CERS6: variants seen among roughly 807,000 people sequenced by gnomAD.
The protein encoded by CERS6 is LAG1 homolog, ceramide synthase 6.
A neutral mutation model predicts 56.8 loss-of-function variants in CERS6; 26 were observed. The observed-to-expected ratio is 0.46, with a 90% CI of 0.34 to 0.63. CERS6 has a LOEUF of 0.63. Among genes scored for constraint, CERS6 ranks in the 30% least tolerant of loss-of-function variants. The pLI, the probability that CERS6 is intolerant of heterozygous loss-of-function variation, is 0.01. For synonymous variants in CERS6, 164 were observed against 173.3 expected (o/e 0.95, Z 0.42); for missense variants, 415 against 467.5 (o/e 0.89, Z 1.04).
At chr2:168,613,285 G>C (rs1165543616) in intron 3 of CERS6, among the ~76,000 whole-genome samples, 1 of 152,198 alleles carries the variant, frequency 6.6e-6, no homozygotes, top group African/African-American at 2.4e-5. Context: ...CAGGGATATA[G>C]AGATGGTTAG....
intron 4 of CERS6, among the ~76,000 whole-genome samples, chr2:168,648,169 G>A (rs768078791): frequency 6.6e-6 from 1 of 152,026 alleles, no homozygotes; most frequent in Non-Finnish European, 1.5e-5. Flanking sequence ...TTGTTGGTAG[G>A]CTATTTATTA....
chr2:168,714,367 A>G (rs1256707805), intron 6 of CERS6, among the ~76,000 whole-genome samples: 1 of 152,232 alleles, frequency 6.6e-6, no homozygotes, highest in African/African-American at 2.4e-5. Context: ...GCTGGGAGCC[A>G]TACGATGCCC....
chr2:168,557,460 T>C (rs542717979), intron 2 of CERS6, among the ~76,000 whole-genome samples: 3 of 152,260 alleles, frequency 2.0e-5, no homozygotes, highest in South Asian at 4.1e-4. Context: ...TTAGAAAAAG[T>C]ATAAAGATTT....
At chr2:168,702,007 GA>G (rs1169256460) in intron 6 of CERS6, among the ~76,000 whole-genome samples, 1 of 151,878 alleles carries the variant, frequency 6.6e-6, no homozygotes, top group East Asian at 1.9e-4. Context: ...ATAATAACAA[GA>G]AAAAAGTCTA....
At chr2:168,483,223 T>C (rs1694209169) in intron 1 of CERS6, among the ~76,000 whole-genome samples, 2 of 152,236 alleles carry the variant, frequency 1.3e-5, no homozygotes, top group African/African-American at 4.8e-5. Context: ...TACTTCTTTT[T>C]TTATAGATGT....
chr2:168,692,772 A>G (rs1184416443), intron 5 of CERS6, among the ~76,000 whole-genome samples: 1 of 151,942 alleles, frequency 6.6e-6, no homozygotes, highest in Non-Finnish European at 1.5e-5. Context: ...GGTGGGGGGG[A>G]ACTAAACAGC....
At position 168,669,448 on chromosome 2, in the gene CERS6, G is replaced by A. The variant is rs367578782; in HGVS notation, c.466-21586G>A. Among the ~76,000 whole-genome samples, 19 of 152,272 alleles carry A rather than the reference G, an allele frequency of 1.2e-4. No individual in the cohort carries two copies. The South Asian group carries it at 2.1e-3, about 17-fold the overall frequency. Reference sequence around the variant, plus strand: ...AATTGTCATCTTTGCTTTTTCAGGAGACAGTATGTTCAACTTAATGTTGGG... The same window carrying A: ...AATTGTCATCTTTGCTTTTTCAGGAAACAGTATGTTCAACTTAATGTTGGG... On this transcript the variant is annotated intron_variant, in intron 4 of 9. Transcript: ENST00000305747.
chr2:168,675,327 G>A (rs1686030230), intron 4 of CERS6, among the ~76,000 whole-genome samples: 2 of 151,900 alleles, frequency 1.3e-5, no homozygotes, highest in Non-Finnish European at 2.9e-5. Flanking sequence ...ACTCATGCCT[G>A]TAATCCCAGC....
intron 3 of CERS6, among the ~76,000 whole-genome samples, chr2:168,582,495 C>T (rs903229934): frequency 2.0e-5 from 3 of 151,980 alleles, no homozygotes; most frequent in African/African-American, 7.3e-5. Context: ...AGGGGTTTGT[C>T]TGACTAGCCT....
chr2:168,529,888 A>G (rs1046250326), intron 1 of CERS6, among the ~76,000 whole-genome samples: 3 of 133,090 alleles, frequency 2.3e-5, no homozygotes, highest in Non-Finnish European at 4.8e-5. Context: ...TCCCACCCCC[A>G]CCCCCAAGAC....
At chr2:168,491,220 A>G (rs1262378972) in intron 1 of CERS6, among the ~76,000 whole-genome samples, 2 of 152,226 alleles carry the variant, frequency 1.3e-5, no homozygotes, top group Non-Finnish European at 2.9e-5. Context: ...CTGCAAAAGA[A>G]GAATATGAGG....
intron 1 of CERS6, among the ~76,000 whole-genome samples, chr2:168,481,942 ATT>A (rs1264529281): frequency 1.3e-5 from 2 of 152,224 alleles, no homozygotes; most frequent in Non-Finnish European, 2.9e-5. Flanking sequence ...CTTAGGTTGA[ATT>A]TTTGAATAAC....
chr2:168,764,861 C>T (rs993261561), intron 8 of CERS6, among the ~76,000 whole-genome samples: 5 of 152,166 alleles, frequency 3.3e-5, no homozygotes, highest in Admixed American at 2.6e-4. Flanking sequence ...TATGATCCAA[C>T]AATTCCACTT....
In CERS6 at chr2:168,653,346, T is replaced by C. The variant is rs141175240; in HGVS notation, c.465+22304T>C. ...TTCTTGATAGGAGTCATTTTTCAACTAGATGGCTCTGACACAGATAATGGC... is the reference window on the plus strand; with the variant it reads ...TTCTTGATAGGAGTCATTTTTCAACCAGATGGCTCTGACACAGATAATGGC... On this transcript the variant is annotated intron_variant, in intron 4 of 9. Coordinates refer to ENST00000305747, the MANE Select transcript of CERS6 (RefSeq NM_203463.3). 8.6e-3 allele frequency among the ~76,000 whole-genome samples: 1,309 copies of C among 152,306 alleles called. 27 individuals carry two copies. Among genetic ancestry groups the C allele is most frequent in the African/African-American group, 0.028 (1,181 of 41,570 alleles).
chr2:168,605,429 G>A (rs78612897), intron 3 of CERS6, among the ~76,000 whole-genome samples: 3,528 of 152,318 alleles, frequency 0.023, 139 homozygotes, highest in East Asian at 0.18. Flanking sequence ...CAGAGCATAA[G>A]AGTTTGGAAA....
chr2:168,750,210 T>C (rs1307883574), intron 8 of CERS6, among the ~76,000 whole-genome samples: 2 of 152,214 alleles, frequency 1.3e-5, no homozygotes, highest in South Asian at 2.1e-4. Context: ...TCTGTTGCAC[T>C]CTTTGTCCCA....
intron 1 of CERS6, among the ~76,000 whole-genome samples, chr2:168,509,046 A>G (rs191457553): frequency 1.3e-5 from 2 of 152,182 alleles, no homozygotes; most frequent in South Asian, 2.1e-4. Context: ...CTCTATTGCC[A>G]TAGTTTTTGT....
chr2:168,768,828 C>T (rs752878729), intron 9 of CERS6, among the ~76,000 whole-genome samples: 1 of 150,674 alleles, frequency 6.6e-6, no homozygotes, highest in Non-Finnish European at 1.5e-5. Flanking sequence ...ATTGCCTGAA[C>T]CCAGGAGGCG....
At chr2:168,611,643 C>G (rs1433208096) in intron 3 of CERS6, among the ~76,000 whole-genome samples, 3 of 152,162 alleles carry the variant, frequency 2.0e-5, no homozygotes, top group Non-Finnish European at 2.9e-5. Flanking sequence ...ACTTTCCAGC[C>G]CTACTAAATT....
Sources: allele counts gnomAD v4.1 joint callset (sites outside exome capture counted in the v4.1 genomes callset), GRCh38; gene constraint gnomAD v4.1.1; transcripts MANE v1.5; gene names NCBI Gene and HGNC (gene_info 2026-07-23, HGNC 2026-07-21).